Variants in XPO7 observed in about 807,000 individuals in gnomAD.
XPO7 encodes the protein exportin-7.
Under a neutral mutation model 144.3 loss-of-function variants are expected in XPO7, and 21 were observed. The observed-to-expected ratio is 0.15, with a 90% CI of 0.10 to 0.21. The LOEUF is 0.21. Ranked by LOEUF, XPO7 falls within the 10% of genes least tolerant of loss-of-function variation. The pLI is 1.00. For missense variants in XPO7, 808 were observed against 1,325.8 expected (o/e 0.61, Z 6.06); for synonymous variants, 580 against 499.6 (o/e 1.16, Z -2.15).
chr8:21,976,323 T>C (rs1192080119), intron 6 of XPO7, 33 bp from the exon 7 acceptor site: 1 of 1,602,178 alleles, frequency 6.2e-7, no homozygotes, highest in Non-Finnish European at 8.5e-7. Context: ...AGAGGAGTGA[T>C]TTTGGGGACT....
At chr8:21,946,712 G>A (rs1416324069) in intron 1 of XPO7, among the ~76,000 whole-genome samples, 2 of 143,578 alleles carry the variant, frequency 1.4e-5, no homozygotes, top group Non-Finnish European at 3.0e-5. Context: ...GTGTGATCTC[G>A]GCTCACTGCA....
intron 1 of XPO7, among the ~76,000 whole-genome samples, chr8:21,923,437 ATGTG>A (rs1563306300): frequency 6.6e-6 from 1 of 152,192 alleles, no homozygotes; most frequent in African/African-American, 2.4e-5. Flanking sequence ...TACAAATAAT[ATGTG>A]TGTATTTTAT....
chr8:21,983,512 T>C (rs1355253741), intron 11 of XPO7, among the ~76,000 whole-genome samples: 1 of 152,244 alleles, frequency 6.6e-6, no homozygotes, highest in Non-Finnish European at 1.5e-5. Flanking sequence ...TGAATAGTCA[T>C]GAGTTATAGT....
chr8:21,939,052 A>T (rs1810908525), intron 1 of XPO7, among the ~76,000 whole-genome samples: 1 of 151,782 alleles, frequency 6.6e-6, no homozygotes, highest in African/African-American at 2.4e-5. Flanking sequence ...CATGAAATAT[A>T]CTCCCCTTTG....
intron 1 of XPO7, among the ~76,000 whole-genome samples, chr8:21,926,339 T>C (rs1022614833): frequency 2.1e-4 from 32 of 152,258 alleles, no homozygotes; most frequent in African/African-American, 7.7e-4. Flanking sequence ...TGATAAGAAA[T>C]TATGATATTT....
chr8:21,927,606 C>T (rs900192333), intron 1 of XPO7, among the ~76,000 whole-genome samples: 1 of 146,450 alleles, frequency 6.8e-6, no homozygotes, highest in Non-Finnish European at 1.5e-5. Context: ...AGTGCAGTGG[C>T]GCAATCTCGG....
At chr8:21,982,358 G>T (rs1241093573) in intron 10 of XPO7, among the ~76,000 whole-genome samples, 1 of 152,090 alleles carries the variant, frequency 6.6e-6, no homozygotes, top group Non-Finnish European at 1.5e-5. Context: ...AAGTTCTTCA[G>T]GTGATTGTCA....
Position 21,990,217 on chromosome 8 carries a change from G to T in XPO7, c.1869-127G>T, listed in dbSNP as rs930045422. 2.3e-5 allele frequency: 20 copies of T among 860,574 alleles called. No individual in the cohort carries two copies. The South Asian group carries it at 3.0e-4, about 13-fold the overall frequency. 53.3% of individuals were successfully genotyped at this position (860,574 alleles called of 1,614,324 possible). On this transcript the variant is annotated intron_variant, in intron 16 of 27. Transcript: ENST00000252512. ...ATGCATTTTTTCATATTTGGCAGTG[G>T]TATACTCAAGTATTTTTTAAAAAAT... is the stretch of plus-strand genomic sequence containing the variant.
chr8:21,970,394 CTT>C (rs1235292243), intron 4 of XPO7, 84 bp downstream of exon 4: 7 of 855,180 alleles, frequency 8.2e-6, no homozygotes, highest in African/African-American at 3.5e-5. Flanking sequence ...ACACACACAA[CTT>C]AACACGCTTA....
chr8:21,967,814 A>G (rs1475716937), intron 2 of XPO7, among the ~76,000 whole-genome samples: 2 of 152,220 alleles, frequency 1.3e-5, no homozygotes, highest in Non-Finnish European at 2.9e-5. Context: ...CAGCTTAAAA[A>G]TGGCATTGCA....
At position 21,990,144 on chromosome 8, in the gene XPO7, C is replaced by T. The variant is rs541891316; in HGVS notation, c.1869-200C>T. Among the ~76,000 whole-genome samples, 5 of 151,900 alleles carry T rather than the reference C, an allele frequency of 3.3e-5. No homozygotes were observed. The East Asian group carries it at 5.8e-4, about 18-fold the overall frequency. On this transcript the variant is annotated intron_variant, in intron 16 of 27. Coordinates refer to ENST00000252512, the MANE Select transcript of XPO7 (RefSeq NM_015024.5). The stretch of plus-strand genomic sequence containing the variant: ...GATTACAGGCGTGAGCCACCGCGCC[C>T]GGCCAGTATAGGTGTTTTCTTACTG...
intron 8 of XPO7, among the ~76,000 whole-genome samples, chr8:21,978,214 A>G (rs1812289703): frequency 6.6e-6 from 1 of 152,152 alleles, no homozygotes. Flanking sequence ...TGTACATTAG[A>G]TTGTCATAAA....
chr8:21,938,698 G>A (rs993501989), intron 1 of XPO7, among the ~76,000 whole-genome samples: 2 of 151,976 alleles, frequency 1.3e-5, no homozygotes, highest in Non-Finnish European at 2.9e-5. Flanking sequence ...TGCAGTACTA[G>A]ATATGAAGGT....
At chr8:21,950,966 A>G (rs1811350200) in intron 1 of XPO7, among the ~76,000 whole-genome samples, 1 of 151,678 alleles carries the variant, frequency 6.6e-6, no homozygotes, top group African/African-American at 2.4e-5. Flanking sequence ...TACAAAAAAT[A>G]CAAAAAAAAA....
At position 21,982,832 on chromosome 8, in the gene XPO7, T is replaced by C; in HGVS notation, c.1277+20T>C. 6.3e-7 allele frequency: 1 copy of C among 1,581,666 alleles called. No homozygotes were observed. Among genetic ancestry groups the C allele is most frequent in the Non-Finnish European group, 8.6e-7 (1 of 1,166,646 alleles). On this transcript the variant is annotated intron_variant, in intron 11 of 27. Transcript: ENST00000252512. The stretch of plus-strand genomic sequence containing the variant: ...ACTGAGGTAAGGAAACTTAGCCTCA[T>C]TCATTCCCGCACCAGTGGCCTGTTG...
At chr8:21,983,169 G>A (rs1812460920) in intron 11 of XPO7, among the ~76,000 whole-genome samples, 1 of 152,192 alleles carries the variant, frequency 6.6e-6, no homozygotes, top group Non-Finnish European at 1.5e-5. Context: ...GGTGCTTAAT[G>A]TGAACTCCTA....
At chr8:21,932,313 A>T (rs1012591725) in intron 1 of XPO7, among the ~76,000 whole-genome samples, 5 of 152,270 alleles carry the variant, frequency 3.3e-5, no homozygotes, top group African/African-American at 9.6e-5. Context: ...AAAATGATTT[A>T]GAATTCCAGA....
intron 1 of XPO7, among the ~76,000 whole-genome samples, chr8:21,951,571 C>T (rs982365494): frequency 1.3e-5 from 2 of 152,150 alleles, no homozygotes; most frequent in Admixed American, 6.6e-5. Flanking sequence ...TAGGGCAGAG[C>T]TGCACATAAA....
chr8:21,962,753 A>G (rs951718523), intron 1 of XPO7, among the ~76,000 whole-genome samples: 8 of 152,326 alleles, frequency 5.3e-5, no homozygotes, highest in Admixed American at 1.3e-4. Context: ...ATGGTAATAT[A>G]CTCAACATAC....
Sources: gnomAD v4.1 joint callset for allele counts (sites outside exome capture counted in the v4.1 genomes callset) on GRCh38, gnomAD v4.1.1 for gene constraint, MANE v1.5 for transcripts, NCBI Gene and HGNC (gene_info 2026-07-23, HGNC 2026-07-21) for gene names.